The following FAM110B variants were observed in gnomAD, a reference collection of about 807,000 sequenced individuals.
FAM110B encodes the protein protein FAM110B.
A neutral mutation model predicts 20.4 loss-of-function variants in FAM110B; 6 were observed. That is an observed-to-expected ratio of 0.29 (90% confidence interval 0.16 to 0.58). The LOEUF (loss-of-function observed/expected upper bound fraction) is 0.58, where lower values mean the gene tolerates loss of function less well. Among genes scored for constraint, FAM110B ranks in the 20% least tolerant of loss-of-function variants. The probability of loss-of-function intolerance (pLI) is 0.90; values close to 1 mark genes in which losing one functional copy is unlikely to be tolerated. For synonymous variants in FAM110B, 226 were observed against 214.1 expected (o/e 1.06, Z -0.49); for missense variants, 434 against 498.2 (o/e 0.87, Z 1.23).
intron 2 of FAM110B, chr8:58,032,794 G>T (rs1804993236): frequency 6.6e-6 from 1 of 152,146 alleles, no homozygotes. Context: ...GTGGCAAGGT[G>T]AACACCCTTA....
chr8:58,006,923 A>ATATATATATATATATTTTTTT, intron 1 of FAM110B, among the ~76,000 whole-genome samples: 1 of 126,516 alleles, frequency 7.9e-6, no homozygotes, highest in African/African-American at 3.0e-5. Flanking sequence ...ATATATATAT[A>ATATATATATATATATTTTTTT]TTTTTCCAAA....
chr8:58,139,999 G>A (rs1803704478), intron 3 of FAM110B, among the ~76,000 whole-genome samples: 1 of 152,158 alleles, frequency 6.6e-6, no homozygotes. Flanking sequence ...CATTGCTGTT[G>A]GTTAAAAATG....
At chr8:58,076,101 A>G (rs1032070827) in intron 3 of FAM110B, among the ~76,000 whole-genome samples, 3 of 152,076 alleles carry the variant, frequency 2.0e-5, no homozygotes, top group Non-Finnish European at 4.4e-5. Flanking sequence ...AAGCCTATGA[A>G]TGTGCACCAC....
At chr8:58,027,505 T>C (rs1050744385) in intron 1 of FAM110B, among the ~76,000 whole-genome samples, 1 of 152,136 alleles carries the variant, frequency 6.6e-6, no homozygotes, top group Admixed American at 6.5e-5. Context: ...GTTTAATGTA[T>C]TTTCGCAAAT....
intron 3 of FAM110B, among the ~76,000 whole-genome samples, chr8:58,089,769 A>G (rs1275048116): frequency 4.6e-5 from 7 of 152,246 alleles, no homozygotes; most frequent in Non-Finnish European, 7.3e-5. Context: ...TTTGATCAGG[A>G]GATCATGTTT....
chr8:58,038,768 AT>A (rs1805140474), intron 2 of FAM110B, among the ~76,000 whole-genome samples: 1 of 151,886 alleles, frequency 6.6e-6, no homozygotes, highest in African/African-American at 2.4e-5. Context: ...AAAAAAAAAA[AT>A]CTCTGAAAAG....
intron 3 of FAM110B, among the ~76,000 whole-genome samples, chr8:58,133,468 A>G (rs542128126): frequency 6.6e-6 from 1 of 152,216 alleles, no homozygotes; most frequent in Non-Finnish European, 1.5e-5. Flanking sequence ...AAGGAGGGTC[A>G]GTACCACCAC....
intron 2 of FAM110B, among the ~76,000 whole-genome samples, chr8:58,071,163 TA>T (rs200538655): frequency 2.3e-3 from 357 of 151,988 alleles, no homozygotes; most frequent in African/African-American, 7.5e-3. Flanking sequence ...AATCTGGGAT[TA>T]AAAAAAATGG....
chr8:58,088,389 A>C (rs1469951825), intron 3 of FAM110B, among the ~76,000 whole-genome samples: 1 of 151,962 alleles, frequency 6.6e-6, no homozygotes, highest in Non-Finnish European at 1.5e-5. Context: ...CTAGTTTAAA[A>C]CTCCTGCAGT....
At chr8:58,116,718 A>C (rs556197249) in intron 3 of FAM110B, among the ~76,000 whole-genome samples, 91 of 152,202 alleles carry the variant, frequency 6.0e-4, no homozygotes, top group African/African-American at 2.2e-3. Flanking sequence ...CTGAAACTTG[A>C]ATGTGTCATG....
chr8:58,042,023 C>T (rs974313745), intron 2 of FAM110B, among the ~76,000 whole-genome samples: 2 of 152,210 alleles, frequency 1.3e-5, no homozygotes, highest in Non-Finnish European at 2.9e-5. Flanking sequence ...AACCTGTTTC[C>T]TCCTGTTTAC....
At chr8:58,019,669 GT>G (rs1395352470) in intron 1 of FAM110B, among the ~76,000 whole-genome samples, 7 of 151,914 alleles carry the variant, frequency 4.6e-5, no homozygotes, top group African/African-American at 1.7e-4. Context: ...TAAATATGTT[GT>G]TCCATTATGG....
In FAM110B at chr8:58,002,370, T is replaced by G. The variant is rs185709406; in HGVS notation, c.-512+7564T>G. Among the ~76,000 whole-genome samples, 15 of 152,276 alleles carry G rather than the reference T, an allele frequency of 9.9e-5. No homozygotes were observed. In the East Asian group the frequency reaches 2.9e-3, roughly 29 times the overall value. On this transcript the variant is annotated intron_variant, in intron 1 of 3. Coordinates refer to ENST00000519262, the MANE Select transcript of FAM110B (RefSeq NM_001377989.1). ...GGTTTAAATGAGCTGACTCCAAGAG[T>G]GTTAACACCAGGTACCACTTCTCTA...
In FAM110B at chr8:58,012,938, T is replaced by A. The variant is rs1804568247; in HGVS notation, c.-512+18132T>A. 3.3e-5 allele frequency among the ~76,000 whole-genome samples: 5 copies of A among 152,236 alleles called. No homozygotes were observed. The South Asian group carries it at 1.0e-3, about 32-fold the overall frequency. On this transcript the variant is annotated intron_variant, in intron 1 of 3. Coordinates refer to ENST00000519262, the MANE Select transcript of FAM110B (RefSeq NM_001377989.1). ...CTTATCCCACCTGAGCTTGGCAAGG[T>A]GAAGTGAGCATTCCTATGACATTTG...
intron 3 of FAM110B, among the ~76,000 whole-genome samples, chr8:58,085,961 A>G (rs1806322222): frequency 6.6e-6 from 1 of 152,208 alleles, no homozygotes; most frequent in Admixed American, 6.5e-5. Flanking sequence ...ACTTTCCAAA[A>G]TGTTTTCTGA....
intron 2 of FAM110B, among the ~76,000 whole-genome samples, chr8:58,072,850 G>A (rs149735386): frequency 6.6e-5 from 10 of 152,302 alleles, no homozygotes; most frequent in African/African-American, 1.2e-4. Flanking sequence ...ATGATGTGCC[G>A]CAAAGTAACT....
At chr8:58,041,424 G>T (rs993757635) in intron 2 of FAM110B, among the ~76,000 whole-genome samples, 2 of 152,184 alleles carry the variant, frequency 1.3e-5, no homozygotes, top group Admixed American at 6.5e-5. Flanking sequence ...ATCCAGTCAT[G>T]ACTATGTACC....
At chr8:58,018,943 C>G (rs1025916830) in intron 1 of FAM110B, among the ~76,000 whole-genome samples, 4 of 152,134 alleles carry the variant, frequency 2.6e-5, no homozygotes, top group African/African-American at 9.7e-5. Context: ...CTTTACGCTC[C>G]TCCTGTCCTT....
intron 1 of FAM110B, among the ~76,000 whole-genome samples, chr8:58,006,959 G>C (rs2150564222): frequency 7.6e-6 from 1 of 130,874 alleles, no homozygotes; most frequent in East Asian, 2.3e-4. Flanking sequence ...TTGGTCAGCT[G>C]ATATGGTGAT....
Sources: gnomAD v4.1 joint callset for allele counts (sites outside exome capture counted in the v4.1 genomes callset) on GRCh38, gnomAD v4.1.1 for gene constraint, MANE v1.5 for transcripts, NCBI Gene and HGNC (gene_info 2026-07-23, HGNC 2026-07-21) for gene names.